EPHA5: variants seen among roughly 807,000 people sequenced by gnomAD.
EPHA5 encodes the protein EPH receptor A5.
Under a neutral mutation model 105.0 loss-of-function variants are expected in EPHA5, and 60 were observed. That is an observed-to-expected ratio of 0.57 (90% confidence interval 0.46 to 0.71). The LOEUF is 0.71. EPHA5 is among the 30% of genes least tolerant of loss of function. EPHA5 has a pLI of 0.00. For missense variants in EPHA5, 1,218 were observed against 1,274.7 expected, an observed-to-expected ratio of 0.96 and a Z score of 0.68; for synonymous variants, 513 against 449.1, an observed-to-expected ratio of 1.14 and a Z score of -1.80.
At chr4:65,579,344 A>G (rs1445427993) in intron 3 of EPHA5, among the ~76,000 whole-genome samples, 2 of 127,380 alleles carry the variant, frequency 1.6e-5, no homozygotes, top group Non-Finnish European at 3.3e-5. Context: ...GTGTAAATAT[A>G]TATATGTATG....
chr4:65,465,469 A>G (rs868342427), intron 5 of EPHA5, among the ~76,000 whole-genome samples: 2 of 69,228 alleles, frequency 2.9e-5, no homozygotes, highest in African/African-American at 1.3e-4. Context: ...AAGAAAGAAA[A>G]AGAAAGAAAG....
At chr4:65,602,394 G>T in intron 2 of EPHA5, 90 bp from the exon 3 acceptor site, 1 of 1,021,278 alleles carries the variant, frequency 9.8e-7, no homozygotes, top group Non-Finnish European at 1.4e-6. Context: ...AAAACTAACT[G>T]AGATATAGAA....
At chr4:65,571,751 T>C (rs1458345017) in intron 3 of EPHA5, among the ~76,000 whole-genome samples, 5 of 152,088 alleles carry the variant, frequency 3.3e-5, no homozygotes, top group African/African-American at 7.2e-5. Flanking sequence ...GGGTTTTTAT[T>C]TAGACTTCTG....
intron 14 of EPHA5, among the ~76,000 whole-genome samples, chr4:65,345,778 C>CTT (rs36012642): frequency 0.52 from 78,296 of 150,772 alleles, 21,100 homozygotes; most frequent in East Asian, 0.8. Flanking sequence ...CTTTTCTTTT[C>CTT]TTTTTTTTTC....
chr4:65,362,718 CTGTT>C, intron 11 of EPHA5, among the ~76,000 whole-genome samples: 1 of 151,550 alleles, frequency 6.6e-6, no homozygotes, highest in Non-Finnish European at 1.5e-5. Flanking sequence ...TATGAGAAAT[CTGTT>C]TGTATTATTA....
intron 5 of EPHA5, among the ~76,000 whole-genome samples, chr4:65,443,674 G>T (rs979886217): frequency 1.4e-4 from 22 of 152,068 alleles, no homozygotes; most frequent in African/African-American, 4.6e-4. Flanking sequence ...AATTACTAGA[G>T]CAGTAATACC....
chr4:65,510,107 C>G (rs1032901121), intron 3 of EPHA5, among the ~76,000 whole-genome samples: 10 of 151,516 alleles, frequency 6.6e-5, no homozygotes, highest in Admixed American at 5.9e-4. Context: ...AGATCTCCCC[C>G]CACTGCAACC....
intron 5 of EPHA5, among the ~76,000 whole-genome samples, chr4:65,450,059 G>A (rs1222210390): frequency 3.3e-5 from 5 of 152,058 alleles, no homozygotes; most frequent in Non-Finnish European, 7.4e-5. Context: ...AACGTTTAAA[G>A]CATTAAAAAG....
At chr4:65,667,869 T>C (rs1750086452) in intron 1 of EPHA5, among the ~76,000 whole-genome samples, 1 of 151,950 alleles carries the variant, frequency 6.6e-6, no homozygotes, top group African/African-American at 2.4e-5. Flanking sequence ...CTCTTCAAAT[T>C]CAAACGAGGA....
chr4:65,435,398 T>A (rs1244001624), intron 5 of EPHA5, among the ~76,000 whole-genome samples: 1 of 152,114 alleles, frequency 6.6e-6, no homozygotes, highest in East Asian at 1.9e-4. Context: ...ATAATGGCAT[T>A]TGTATGGTTT....
In EPHA5 at chr4:65,509,442, G is replaced by C. The variant is rs373929871; in HGVS notation, c.911-13899C>G. ...CAATTTCAAAACCCGAATGGGTCTT[G>C]GCTTTTTTGCAGAAGCCAGAGAGGG... On this transcript the variant is annotated intron_variant, in intron 3 of 16. Transcript: ENST00000613740. Among the ~76,000 whole-genome samples the C allele has an allele frequency of 1.0e-3, 159 of 152,176 alleles. 2 individuals carry two copies. Among genetic ancestry groups the C allele is most frequent in the African/African-American group, 3.5e-3 (147 of 41,540 alleles).
intron 3 of EPHA5, among the ~76,000 whole-genome samples, chr4:65,521,012 A>G (rs985844196): frequency 3.3e-5 from 5 of 152,192 alleles, no homozygotes; most frequent in Non-Finnish European, 7.3e-5. Flanking sequence ...TGACCCAGCC[A>G]TCTCATTACA....
intron 3 of EPHA5, among the ~76,000 whole-genome samples, chr4:65,503,143 G>C (rs1341179936): frequency 6.6e-6 from 1 of 151,654 alleles, no homozygotes; most frequent in Non-Finnish European, 1.5e-5. Flanking sequence ...AGTTGAGTCA[G>C]GGATGAAAAG....
At chr4:65,337,189 C>A (rs1721268038) in intron 14 of EPHA5, among the ~76,000 whole-genome samples, 1 of 151,888 alleles carries the variant, frequency 6.6e-6, no homozygotes, top group South Asian at 2.1e-4. Flanking sequence ...ATGAGCATAC[C>A]CATTACCTCA....
At chr4:65,385,121 C>T (rs530507278) in intron 8 of EPHA5, among the ~76,000 whole-genome samples, 1 of 151,580 alleles carries the variant, frequency 6.6e-6, no homozygotes, top group African/African-American at 2.4e-5. Flanking sequence ...TTTTCGTCAG[C>T]TCAAATAAAT....
chr4:65,330,017 A>G (rs1187383997), intron 16 of EPHA5, among the ~76,000 whole-genome samples: 1 of 151,380 alleles, frequency 6.6e-6, no homozygotes, highest in Non-Finnish European at 1.5e-5. Flanking sequence ...TGCCCCAAAA[A>G]CCAGCTTTCT....
chr4:65,359,045 G>A (rs1277420004), intron 11 of EPHA5, among the ~76,000 whole-genome samples: 1 of 151,552 alleles, frequency 6.6e-6, no homozygotes, highest in African/African-American at 2.4e-5. Context: ...TGACAACTTG[G>A]TTGTATTAAC....
chr4:65,537,438 C>A (rs550525287), intron 3 of EPHA5, among the ~76,000 whole-genome samples: 17 of 151,798 alleles, frequency 1.1e-4, no homozygotes, highest in African/African-American at 4.1e-4. Flanking sequence ...GCAAAACCTG[C>A]CAGAGAATGC....
chr4:65,398,765 T>C (rs1721510635), intron 8 of EPHA5, among the ~76,000 whole-genome samples: 1 of 152,140 alleles, frequency 6.6e-6, no homozygotes, highest in Non-Finnish European at 1.5e-5. Flanking sequence ...TGCCTGCAGA[T>C]AGGAGCTACA....
Sources: allele counts gnomAD v4.1 joint callset (sites outside exome capture counted in the v4.1 genomes callset), GRCh38; gene constraint gnomAD v4.1.1; transcripts MANE v1.5; gene names NCBI Gene and HGNC (gene_info 2026-07-23, HGNC 2026-07-21).